Variants in SMARCD3 observed in about 807,000 individuals in gnomAD.
The protein encoded by SMARCD3 is SWI/SNF-related matrix-associated actin-dependent regulator of chromatin subfamily D member 3.
A neutral mutation model predicts 58.0 loss-of-function variants in SMARCD3; 14 were observed. The ratio of observed to expected loss-of-function variants is 0.24; its 90% confidence interval spans 0.16 to 0.38. The LOEUF is 0.38. Ranked by LOEUF, SMARCD3 falls within the 10% of genes least tolerant of loss-of-function variation. The pLI is 1.00. For missense variants in SMARCD3, 408 were observed against 636.9 expected, an observed-to-expected ratio of 0.64 and a Z score of 3.87; for synonymous variants, 253 against 253.8, an observed-to-expected ratio of 1.00 and a Z score of 0.03.
Position 151,239,479 on chromosome 7 carries a change from C to T in SMARCD3, c.1315G>A (p.Gly439Ser), listed in dbSNP as rs140006247. 257 of 1,613,544 alleles carry T rather than the reference C, an allele frequency of 1.6e-4. No individual in the cohort carries two copies. Among genetic ancestry groups the T allele is most frequent in the Admixed American group, 2.7e-4 (16 of 59,994 alleles). The stretch of plus-strand genomic sequence containing the variant: ...GCCCGGCGCTCCTCTTCAGGGTTGC[C>T]GGCTACATCTGTCATCACCTGGGAG... Reference protein sequence around the residue: ...RDLKVMTDVAGNPEEERRAEF... With the variant: ...RDLKVMTDVASNPEEERRAEF... Residue 439 changes from glycine to serine, a missense_variant, in exon 12 of 13, where the codon GGC (glycine) becomes AGC (serine). Around this residue, in one of 4 missense-constraint regions of SMARCD3, gnomAD observed 81 missense variants for 109.7 expected, o/e 0.74. Transcript: ENST00000262188. This position sits in a 1 kb window ranked among gnomAD's most constrained non-coding sequence, Gnocchi z 7.0.
Position 151,238,864 on chromosome 7 carries a change from C to A in SMARCD3, c.*239G>T. ...GGAAAATTGAGTAAGGAGAAGAATCCAAGGGAAGGGAATGGGGAGTCGTCC... is the reference window on the plus strand; with the variant it reads ...GGAAAATTGAGTAAGGAGAAGAATCAAAGGGAAGGGAATGGGGAGTCGTCC... On this transcript the variant is annotated 3_prime_UTR_variant, in exon 13 of 13. Transcript: ENST00000262188. The A allele has an allele frequency of 7.1e-7, 1 of 1,416,506 alleles. No homozygotes were observed. Among genetic ancestry groups the A allele is most frequent in the Non-Finnish European group, 9.6e-7 (1 of 1,042,312 alleles). 87.7% of individuals were successfully genotyped at this position (1,416,506 alleles called of 1,614,324 possible). A position where few individuals can be genotyped will look rare whatever the true frequency, so the allele number is the denominator to read the frequency against.
Position 151,241,907 on chromosome 7 carries a change from G to T in SMARCD3, c.747C>A (p.Arg249=). 6.2e-7 allele frequency: 1 copy of T among 1,612,282 alleles called. No homozygotes were observed. The highest frequency in any genetic ancestry group is 8.5e-7 in the Non-Finnish European group (1 of 1,179,250). The change falls in exon 7 of 13, where the codon CGC becomes CGA. Residue 249 remains arginine (R), a synonymous_variant. Coordinates refer to ENST00000262188, the MANE Select transcript of SMARCD3 (RefSeq NM_001003801.2). This position sits in a 1 kb window ranked among gnomAD's most constrained non-coding sequence, Gnocchi z 5.3. ...AGTCCAGCATGAGGAGCAGCGTGCA[G>T]CGCACACTCAGGTCCCCAGGCCGTT... ...QVKRPGDLSV[R]CTLLLMLDYQ...
intron 1 of SMARCD3, chr7:151,275,365 A>T (rs1795310443): frequency 1.7e-6 from 1 of 584,454 alleles, no homozygotes; most frequent in Admixed American, 2.9e-5. Context: ...GACACTGTGC[A>T]GAAAAAAGGG....
upstream of SMARCD3, chr7:151,249,294 T>C (rs1803429151): frequency 6.6e-6 from 1 of 152,116 alleles, no homozygotes; most frequent in Admixed American, 6.5e-5. The surrounding 1 kb of genome is among the most constrained non-coding windows in gnomAD (Gnocchi z 4.8). Context: ...TGTGCCCTTG[T>C]CTCACACGCC....
chr7:151,254,344 G>C (rs1375948500), intron 2 of SMARCD3: 1 of 152,352 alleles, frequency 6.6e-6, no homozygotes, highest in Non-Finnish European at 1.5e-5. Context: ...TGGCTGCCAG[G>C]GATCTGGGGG....
At chr7:151,264,373 G>T (rs1020173825) in intron 2 of SMARCD3, among the ~76,000 whole-genome samples, 8 of 152,120 alleles carry the variant, frequency 5.3e-5, no homozygotes, top group Admixed American at 2.6e-4. Context: ...TCAGGATTTT[G>T]CCCCAAAACA....
At position 151,239,889 on chromosome 7, in the gene SMARCD3, C is replaced by T; in HGVS notation, c.1174-143G>A. On this transcript the variant is annotated intron_variant, in intron 10 of 12. Transcript: ENST00000262188. The surrounding 1 kb of genome is among the most constrained non-coding windows in gnomAD (Gnocchi z 7.0). The stretch of plus-strand genomic sequence containing the variant: ...AGAGCCCCTGATTTCTCTGAAGTCC[C>T]AGGGGAGGAGGGGATGGGCAGAACT... 2 of 1,014,898 alleles carry T rather than the reference C, an allele frequency of 2.0e-6. No homozygotes were observed. The highest frequency in any genetic ancestry group is 2.9e-6 in the Non-Finnish European group (2 of 693,622). The allele number at this position is 1,014,898 out of a possible 1,614,324, so 62.9% of individuals were successfully genotyped here. A position where few individuals can be genotyped will look rare whatever the true frequency, so the allele number is the denominator to read the frequency against.
chr7:151,247,001 C>A (rs1037082601), intron 1 of SMARCD3, among the ~76,000 whole-genome samples: 2 of 152,134 alleles, frequency 1.3e-5, no homozygotes, highest in African/African-American at 4.8e-5. Context: ...CCTGGTCCTC[C>A]AGGCTCTGTG....
Position 151,262,782 on chromosome 7 carries a change from A to G in SMARCD3, c.39+12332T>C, listed in dbSNP as rs541055186. On this transcript the variant is annotated intron_variant, in intron 2 of 13. Coordinates refer to the SMARCD3 transcript ENST00000356800. ...CTGAGCACAGCCAGGGAAAGCCCCA[A>G]CTGGGTGGGATGCCCAAGGCTGGCA... is the stretch of plus-strand genomic sequence containing the variant. Among the ~76,000 whole-genome samples, 120 of 152,292 alleles carry G rather than the reference A, an allele frequency of 7.9e-4. No individual in the cohort carries two copies. In the South Asian group the frequency reaches 0.016, roughly 21 times the overall value.
chr7:151,240,006 T>A (rs181238542), intron 10 of SMARCD3, 106 bp downstream of exon 10: 49,147 of 1,139,764 alleles, frequency 0.043, 1,035 homozygotes, highest in East Asian at 0.13. Flanking sequence ...TTTTTTTTTT[T>A]AATTTAACCC....
chr7:151,274,131 C>T (rs1211935477), intron 2 of SMARCD3, among the ~76,000 whole-genome samples: 1 of 152,256 alleles, frequency 6.6e-6, no homozygotes, highest in African/African-American at 2.4e-5. Context: ...GCCCTTTGTG[C>T]CCAATTGTCA....
intron 2 of SMARCD3, among the ~76,000 whole-genome samples, chr7:151,269,813 A>G (rs113202139): frequency 1.3e-5 from 2 of 152,352 alleles, no homozygotes; most frequent in African/African-American, 4.8e-5. Context: ...AAGGTCCGCC[A>G]TCACCATTGC....
rs2150588417 is a variant in SMARCD3 at position 151,239,754 on chromosome 7, TAGAA to T, written c.1174-12_1174-9del. On this transcript the variant is annotated splice_polypyrimidine_tract_variant and intron_variant, in intron 10 of 12. Transcript: ENST00000262188. This position sits in a 1 kb window ranked among gnomAD's most constrained non-coding sequence, Gnocchi z 7.0. ...CTCAATCGTCTCATGGATCTGCAGG[TAGAA>T]AGATAGATGCTTTCCACCTGGCTTT... The T allele has an allele frequency of 6.2e-7, 1 of 1,613,168 alleles. No homozygotes were observed. Among genetic ancestry groups the T allele is most frequent in the Non-Finnish European group, 8.5e-7 (1 of 1,179,804 alleles).
At chr7:151,252,588 G>A (rs116297345), upstream of SMARCD3, among the ~76,000 whole-genome samples, 2 of 152,150 alleles carry the variant, frequency 1.3e-5, no homozygotes, top group Admixed American at 6.5e-5. Flanking sequence ...CCCACTTTCC[G>A]CCATCCAGCC....
chr7:151,266,073 G>T (rs550703848), intron 2 of SMARCD3, among the ~76,000 whole-genome samples: 1 of 152,156 alleles, frequency 6.6e-6, no homozygotes, highest in East Asian at 1.9e-4. Flanking sequence ...GGTTTCAAGC[G>T]ATTCTCATGC....
At chr7:151,275,211 G>A (rs768622384) in exon 2 of SMARCD3, 1 of 1,489,610 alleles carries the variant, frequency 6.7e-7, no homozygotes, top group Admixed American at 1.8e-5. Context: ...CCTGGGCCCG[G>A]AGCCCACCGC....
upstream of SMARCD3, among the ~76,000 whole-genome samples, chr7:151,252,610 G>A (rs1384325585): frequency 1.3e-5 from 2 of 152,172 alleles, no homozygotes; most frequent in East Asian, 3.9e-4. Context: ...ACCTGCCCGG[G>A]CTAAGCACCA....
upstream of SMARCD3, among the ~76,000 whole-genome samples, chr7:151,250,123 C>T (rs1287096961): frequency 6.6e-6 from 1 of 152,070 alleles, no homozygotes; most frequent in African/African-American, 2.4e-5. Flanking sequence ...AATGCCTTTG[C>T]CCAGGGGGTC....
chr7:151,265,649 C>T (rs948142800), intron 2 of SMARCD3, among the ~76,000 whole-genome samples: 45 of 152,348 alleles, frequency 3.0e-4, no homozygotes, highest in African/African-American at 9.9e-4. Flanking sequence ...GGGTGCAAAG[C>T]ACAGGGCAGA....
Sources: allele counts gnomAD v4.1 joint callset (sites outside exome capture counted in the v4.1 genomes callset), GRCh38; gene constraint gnomAD v4.1.1; regional missense constraint gnomAD v4.1.1; non-coding constraint Gnocchi (gnomAD v3.1); transcripts MANE v1.5; gene names NCBI Gene and HGNC (gene_info 2026-07-23, HGNC 2026-07-21).